Variants in ADK observed in about 807,000 individuals in gnomAD.
ADK encodes the protein adenosine kinase.
A neutral mutation model predicts 44.7 loss-of-function variants in ADK; 24 were observed. The observed-to-expected ratio is 0.54, with a 90% CI of 0.39 to 0.76. The LOEUF (loss-of-function observed/expected upper bound fraction) is 0.76, where lower values mean the gene tolerates loss of function less well. Among genes scored for constraint, ADK ranks in the 30% least tolerant of loss-of-function variants. ADK has a pLI of 0.00. For missense variants in ADK, 321 were observed against 425.1 expected (o/e 0.76, Z 2.15); for synonymous variants, 128 against 142.6 (o/e 0.90, Z 0.73).
intron 1 of ADK, among the ~76,000 whole-genome samples, chr10:74,181,506 C>T (rs1391263327): frequency 2.0e-5 from 3 of 152,110 alleles, no homozygotes; most frequent in Non-Finnish European, 2.9e-5. Flanking sequence ...TAAATTGATG[C>T]TTTTGTCATT....
intron 4 of ADK, among the ~76,000 whole-genome samples, chr10:74,389,108 G>A (rs994696866): frequency 6.6e-6 from 1 of 152,172 alleles, no homozygotes; most frequent in Non-Finnish European, 1.5e-5. Flanking sequence ...CTGGTTTACA[G>A]CACAACAGTA....
intron 1 of ADK, among the ~76,000 whole-genome samples, chr10:74,171,810 C>CTCTCTGTGTG (rs1554825180): frequency 2.1e-5 from 3 of 144,090 alleles, no homozygotes; most frequent in Admixed American, 7.0e-5. Context: ...CTCTGTCTCT[C>CTCTCTGTGTG]TGTGTGTGTG....
chr10:74,325,554 T>G (rs1592049740), intron 4 of ADK, among the ~76,000 whole-genome samples: 2 of 152,344 alleles, frequency 1.3e-5, no homozygotes, highest in East Asian at 3.9e-4. Flanking sequence ...CATCCTTGTC[T>G]TGTTCCAGAT....
intron 7 of ADK, among the ~76,000 whole-genome samples, chr10:74,569,226 G>A (rs555886355): frequency 6.3e-4 from 96 of 152,160 alleles, no homozygotes; most frequent in African/African-American, 2.0e-3. Context: ...GAATAGTGCC[G>A]CAATAAACAT....
intron 9 of ADK, among the ~76,000 whole-genome samples, chr10:74,646,261 G>T (rs890913764): frequency 1.3e-5 from 2 of 152,176 alleles, no homozygotes; most frequent in African/African-American, 4.8e-5. Context: ...TGTAGTAGGA[G>T]AATGGCAAGT....
At chr10:74,559,855 G>T (rs1252823220) in intron 7 of ADK, among the ~76,000 whole-genome samples, 9 of 146,414 alleles carry the variant, frequency 6.1e-5, no homozygotes, top group Admixed American at 5.4e-4. Flanking sequence ...GTTTTTTCAT[G>T]TTGTTTTTTT....
intron 4 of ADK, among the ~76,000 whole-genome samples, chr10:74,325,933 T>G (rs982129594): frequency 9.9e-5 from 15 of 152,078 alleles, no homozygotes; most frequent in African/African-American, 3.6e-4. Context: ...CCTCCTGGAT[T>G]CAAGTGATTC....
chr10:74,376,693 G>A (rs1842829293), intron 4 of ADK, among the ~76,000 whole-genome samples: 1 of 150,864 alleles, frequency 6.6e-6, no homozygotes. Context: ...TTTACAGTAA[G>A]TTTATTTGAA....
chr10:74,239,751 A>G (rs573963593), intron 3 of ADK, among the ~76,000 whole-genome samples: 2 of 151,494 alleles, frequency 1.3e-5, no homozygotes, highest in East Asian at 3.9e-4. Flanking sequence ...AGACACAATA[A>G]AAGTAAAATT....
At chr10:74,668,545 T>C (rs1039053969) in intron 9 of ADK, among the ~76,000 whole-genome samples, 29 of 152,156 alleles carry the variant, frequency 1.9e-4, no homozygotes, top group African/African-American at 6.5e-4. Flanking sequence ...AAGACGAGCC[T>C]GGCCAACATG....
At chr10:74,482,768 C>A (rs1489095313) in intron 6 of ADK, among the ~76,000 whole-genome samples, 4 of 152,246 alleles carry the variant, frequency 2.6e-5, no homozygotes, top group African/African-American at 9.6e-5. Context: ...CCCAGCAGGG[C>A]AGTCATTAAA....
At chr10:74,244,582 A>G (rs1475970455) in intron 3 of ADK, among the ~76,000 whole-genome samples, 2 of 152,232 alleles carry the variant, frequency 1.3e-5, no homozygotes, top group Non-Finnish European at 2.9e-5. Context: ...CTGTATATGC[A>G]TGAAAAATGA....
At chr10:74,341,249 G>A (rs1368363461) in intron 4 of ADK, among the ~76,000 whole-genome samples, 4 of 151,958 alleles carry the variant, frequency 2.6e-5, no homozygotes, top group African/African-American at 9.7e-5. Context: ...TATCTGTGCG[G>A]TGGCTTACTC....
chr10:74,364,687 GGTGTGTGTGTGTGT>G (rs58295310), intron 4 of ADK, among the ~76,000 whole-genome samples: 52,644 of 136,338 alleles, frequency 0.39, 10,613 homozygotes, highest in Middle Eastern at 0.5. Context: ...CAAAGGCTAT[GGTGTGTGTGTGTGT>G]GTGTGTGTGT....
At chr10:74,521,629 A>C (rs1848839737) in intron 6 of ADK, among the ~76,000 whole-genome samples, 1 of 152,138 alleles carries the variant, frequency 6.6e-6, no homozygotes, top group Non-Finnish European at 1.5e-5. Context: ...TTTGGGGAGA[A>C]ATAGAGGGGG....
intron 6 of ADK, among the ~76,000 whole-genome samples, chr10:74,458,248 C>T (rs1166916328): frequency 2.1e-5 from 3 of 142,468 alleles, no homozygotes; most frequent in Non-Finnish European, 3.0e-5. Flanking sequence ...CCTCTCACTT[C>T]AGGCTCCAAG....
intron 3 of ADK, among the ~76,000 whole-genome samples, chr10:74,261,078 A>G (rs1846019854): frequency 6.6e-6 from 1 of 152,220 alleles, no homozygotes; most frequent in African/African-American, 2.4e-5. Flanking sequence ...AAGTTATATA[A>G]TAATTTTGGT....
At chr10:74,416,877 C>T (rs918779247) in intron 6 of ADK, among the ~76,000 whole-genome samples, 7 of 151,976 alleles carry the variant, frequency 4.6e-5, no homozygotes, top group African/African-American at 1.2e-4. Context: ...GAGAGGTACA[C>T]ATATAATAAA....
At chr10:74,517,600 G>T (rs1242458282) in intron 6 of ADK, among the ~76,000 whole-genome samples, 3 of 151,136 alleles carry the variant, frequency 2.0e-5, no homozygotes, top group Non-Finnish European at 4.4e-5. Context: ...GAGGTGGGAG[G>T]ATCACCTGAG....
Sources: gnomAD v4.1 joint callset for allele counts (sites outside exome capture counted in the v4.1 genomes callset) on GRCh38, gnomAD v4.1.1 for gene constraint, MANE v1.5 for transcripts, NCBI Gene and HGNC (gene_info 2026-07-23, HGNC 2026-07-21) for gene names.